Variants in RECK observed in about 807,000 individuals in gnomAD.
RECK encodes the protein reversion inducing cysteine rich protein with kazal motifs.
RECK carries 69 observed loss-of-function variants against 115.1 expected under a neutral mutation model. The observed-to-expected ratio is 0.60, with a 90% confidence interval of 0.49 to 0.73. The LOEUF (loss-of-function observed/expected upper bound fraction) is 0.73. Ranked by LOEUF, RECK falls within the 30% of genes least tolerant of loss-of-function variation. The pLI is 0.00. For missense variants in RECK, 1,047 were observed against 1,203.7 expected, an observed-to-expected ratio of 0.87 and a Z score of 1.93; for synonymous variants, 414 against 419.7, an observed-to-expected ratio of 0.99 and a Z score of 0.17.
At chr9:36,063,977 A>G in intron 5 of RECK, 97 bp downstream of exon 5, 9 of 1,172,482 alleles carry the variant, frequency 7.7e-6, no homozygotes, top group Non-Finnish European at 1.1e-5. Flanking sequence ...AGCTTTGCAG[A>G]GGTAACCCGT....
Position 36,063,508 on chromosome 9 carries a change from A to G in RECK, c.272-287A>G, listed in dbSNP as rs529904741. On this transcript the variant is annotated intron_variant, in intron 4 of 20. Transcript: ENST00000377966. Reference sequence around the variant, plus strand: ...TTCCCTTGTACGTCCTCTGGTAAAGATGTTACCTACCCAAGAGTGAGAATG... The same window carrying G: ...TTCCCTTGTACGTCCTCTGGTAAAGGTGTTACCTACCCAAGAGTGAGAATG... Among the ~76,000 whole-genome samples the G allele has an allele frequency of 4.6e-5, 7 of 152,310 alleles. No homozygotes were observed. The South Asian group carries it at 1.5e-3, about 32-fold the overall frequency.
chr9:36,104,312 ATATATATATATATATTTT>A (rs1564130811), intron 12 of RECK, among the ~76,000 whole-genome samples: 3 of 66,106 alleles, frequency 4.5e-5, no homozygotes, highest in African/African-American at 2.6e-4. Context: ...ATATATATAT[ATATATATATATATATTTT>A]TTTTTTTTTT....
chr9:36,041,771 CTT>C (rs35445082), intron 1 of RECK, among the ~76,000 whole-genome samples: 2,465 of 127,614 alleles, frequency 0.019, 52 homozygotes, highest in African/African-American at 0.068. Flanking sequence ...AATCAGCTTC[CTT>C]TTTTTTTTTT....
At chr9:36,097,465 A>G (rs1331776767) in intron 10 of RECK, among the ~76,000 whole-genome samples, 4 of 152,244 alleles carry the variant, frequency 2.6e-5, no homozygotes, top group African/African-American at 7.2e-5. Flanking sequence ...AATACAAATT[A>G]AAACCACAAT....
At chr9:36,076,650 G>A (rs895588461) in intron 6 of RECK, among the ~76,000 whole-genome samples, 2 of 152,092 alleles carry the variant, frequency 1.3e-5, no homozygotes, top group Middle Eastern at 3.2e-3. Flanking sequence ...GAATTTAATC[G>A]CGAGAGTAGG....
At chr9:36,086,864 A>G (rs1010247231) in intron 8 of RECK, among the ~76,000 whole-genome samples, 9 of 152,248 alleles carry the variant, frequency 5.9e-5, no homozygotes, top group Non-Finnish European at 1.2e-4. Flanking sequence ...CTAGCAGGAA[A>G]TAATTCCAGT....
chr9:36,118,716 C>T (rs1272216446), intron 17 of RECK, 41 bp from the exon 18 acceptor site: 3 of 1,583,098 alleles, frequency 1.9e-6, no homozygotes, highest in African/African-American at 1.3e-5. Flanking sequence ...AAAGGTACAA[C>T]ATAGACATTT....
At chr9:36,042,203 C>T (rs527631873) in intron 1 of RECK, among the ~76,000 whole-genome samples, 9 of 152,014 alleles carry the variant, frequency 5.9e-5, no homozygotes, top group African/African-American at 9.6e-5. Flanking sequence ...CCTCATCCCC[C>T]GCTCACTCTT....
At chr9:36,042,129 G>A (rs1037503068) in intron 1 of RECK, among the ~76,000 whole-genome samples, 2 of 150,910 alleles carry the variant, frequency 1.3e-5, no homozygotes, top group African/African-American at 2.4e-5. Context: ...AAGTTCTTTA[G>A]TGGTGATTTC....
Position 36,117,105 on chromosome 9 carries a change from C to A in RECK, c.2181C>A (p.Asp727Glu), listed in dbSNP as rs1824297894. The change falls in exon 17 of 21, where the codon GAC becomes GAA. Residue 727 changes from aspartate to glutamate, a missense_variant. Transcript: ENST00000377966. ...DQVQDPVCDT[D>E]HMEHNNLCTL... The stretch of plus-strand genomic sequence containing the variant: ...TCCAAGATCCTGTTTGTGACACAGA[C>A]CACATGGAGCACAACAATCTCTGCA... 1 of 1,614,152 alleles carries A rather than the reference C, an allele frequency of 6.2e-7. No homozygotes were observed. Among genetic ancestry groups the A allele is most frequent in the Non-Finnish European group, 8.5e-7 (1 of 1,179,984 alleles).
intron 13 of RECK, among the ~76,000 whole-genome samples, chr9:36,107,625 A>AC (rs1823876724): frequency 6.7e-6 from 1 of 149,888 alleles, no homozygotes; most frequent in Non-Finnish European, 1.5e-5. Context: ...AAAAAAAAAT[A>AC]CTGTTAGTTT....
intron 1 of RECK, among the ~76,000 whole-genome samples, chr9:36,044,314 A>T (rs1446297054): frequency 6.6e-6 from 1 of 151,580 alleles, no homozygotes; most frequent in Non-Finnish European, 1.5e-5. Flanking sequence ...TACTGATTTT[A>T]TACCTTGATT....
rs1367841697 is a variant in RECK at position 36,036,965 on chromosome 9, G to T, written c.-34G>T. 23 of 1,366,158 alleles carry T rather than the reference G, an allele frequency of 1.7e-5. No individual in the cohort carries two copies. The highest frequency in any genetic ancestry group is 1.2e-4 in the Admixed American group (4 of 33,822). The allele number at this position is 1,366,158 out of a possible 1,614,324, so 84.6% of individuals were successfully genotyped here. On this transcript the variant is annotated 5_prime_UTR_variant, in exon 1 of 21. Transcript: ENST00000377966. ...GCGGCTGCGGCCAAGCTGGGTCCGA[G>T]CATCCCGCGGCTCTGGAGCCGCCCG...
At chr9:36,092,263 A>C (rs1259127567) in intron 10 of RECK, among the ~76,000 whole-genome samples, 1 of 152,210 alleles carries the variant, frequency 6.6e-6, no homozygotes, top group East Asian at 1.9e-4. Context: ...AGTAGCTTGT[A>C]TGAGAATAAC....
At position 36,122,957 on chromosome 9, in the gene RECK, C is replaced by T. The variant is rs1228564290; in HGVS notation, c.2828C>T (p.Ala943Val). 6.2e-7 allele frequency: 1 copy of T among 1,614,190 alleles called. No individual in the cohort carries two copies. Among genetic ancestry groups the T allele is most frequent in the African/African-American group, 1.3e-5 (1 of 75,038 alleles). Reference sequence around the variant, plus strand: ...CAGGTCTCCAGCAGTGTGCCATCGGCCGGTGTCAGGGCCAGGCCTTCTTGC... The same window carrying T: ...CAGGTCTCCAGCAGTGTGCCATCGGTCGGTGTCAGGGCCAGGCCTTCTTGC... ...QVQVSSSVPS[A>V]GVRARPSCHS... Residue 943 changes from alanine to valine, a missense_variant, in exon 21 of 21, where the codon GCC becomes GTC. Coordinates refer to ENST00000377966, the MANE Select transcript of RECK (RefSeq NM_021111.3).
At chr9:36,109,928 G>A in intron 14 of RECK, 29 bp from the exon 15 acceptor site, 2 of 1,582,830 alleles carry the variant, frequency 1.3e-6, no homozygotes, top group Non-Finnish European at 1.7e-6. Context: ...GCATGATATA[G>A]ATCAACATTT....
intron 8 of RECK, among the ~76,000 whole-genome samples, chr9:36,084,416 C>T (rs963693275): frequency 6.6e-6 from 1 of 151,376 alleles, no homozygotes; most frequent in African/African-American, 2.4e-5. Context: ...ACAAAAAGGC[C>T]AGGCACGGTG....
At chr9:36,067,342 T>G (rs1368790498) in intron 6 of RECK, among the ~76,000 whole-genome samples, 1 of 152,146 alleles carries the variant, frequency 6.6e-6, no homozygotes. Flanking sequence ...TATGAGCCAT[T>G]TCTATAGGCT....
Position 36,118,787 on chromosome 9 carries a change from G to A in RECK, c.2284G>A (p.Gly762Arg), listed in dbSNP as rs1394160844. ...PFCRATEPVC[G>R]HNGETYSSVC... is the part of the protein sequence containing the mutation. ...TTGCAGAGCAACCGAGCCCGTATGT[G>A]GGCACAATGGTGAGACCTACAGCAG... The change falls in exon 18 of 21, where the codon GGG (glycine) becomes AGG (arginine). Residue 762 changes from glycine to arginine, a missense_variant. Coordinates refer to ENST00000377966, the MANE Select transcript of RECK (RefSeq NM_021111.3). 1 of 1,613,976 alleles carries A rather than the reference G, an allele frequency of 6.2e-7. No homozygotes were observed. Among genetic ancestry groups the A allele is most frequent in the African/African-American group, 1.3e-5 (1 of 74,918 alleles).
Sources: allele counts gnomAD v4.1 joint callset (sites outside exome capture counted in the v4.1 genomes callset), GRCh38; gene constraint gnomAD v4.1.1; transcripts MANE v1.5; gene names NCBI Gene and HGNC (gene_info 2026-07-23, HGNC 2026-07-21).